STAMBP: variants seen among roughly 807,000 people sequenced by gnomAD.
STAMBP encodes the protein STAM-binding protein.
Under a neutral mutation model 50.7 loss-of-function variants are expected in STAMBP, and 31 were observed. The observed-to-expected ratio is 0.61, with a 90% CI of 0.46 to 0.83. The LOEUF is 0.83. STAMBP is among the 40% of genes least tolerant of loss of function. The probability of loss-of-function intolerance (pLI) is 0.00; values close to 1 mark genes in which losing one functional copy is unlikely to be tolerated. For synonymous variants in STAMBP, 211 were observed against 192.4 expected (o/e 1.10, Z -0.80); for missense variants, 472 against 518.9 (o/e 0.91, Z 0.88).
intron 7 of STAMBP, among the ~76,000 whole-genome samples, chr2:73,856,727 G>T (rs1482369543): frequency 6.6e-6 from 1 of 152,202 alleles, no homozygotes; most frequent in Non-Finnish European, 1.5e-5. Flanking sequence ...TTTGGTTCAA[G>T]AACAGGAGAG....
intron 7 of STAMBP, chr2:73,855,783 A>G (rs1677477697): frequency 7.0e-6 from 3 of 429,608 alleles, no homozygotes; most frequent in South Asian, 3.3e-5. Context: ...GAGGCTGCAC[A>G]TAAGAATCAC....
chr2:73,867,782 A>G (rs1378153542), downstream of STAMBP, among the ~76,000 whole-genome samples: 1 of 152,184 alleles, frequency 6.6e-6, no homozygotes, highest in Non-Finnish European at 1.5e-5. Flanking sequence ...CAAATTAGAA[A>G]AAGAATAATA....
chr2:73,844,773 G>T, intron 2 of STAMBP, 40 bp from the exon 3 acceptor site: 1 of 1,556,552 alleles, frequency 6.4e-7, no homozygotes, highest in South Asian at 1.1e-5. Context: ...ATGGACATTT[G>T]GACCATTTGC....
chr2:73,850,313 T>C lies in STAMBP; in HGVS notation c.868-63T>C, dbSNP rs1389137105. The C allele has an allele frequency of 1.3e-6, 2 of 1,542,916 alleles. No homozygotes were observed. Among genetic ancestry groups the C allele is most frequent in the Non-Finnish European group, 1.8e-6 (2 of 1,142,638 alleles). On this transcript the variant is annotated intron_variant, in intron 6 of 9. Transcript: ENST00000394070. The surrounding 1 kb of genome is among the most constrained non-coding windows in gnomAD (Gnocchi z 4.3). ...GATGCTTACCTTTCCACTGTCGGGA[T>C]GGAGTGGAGCAGGGTTGCATGAGCA...
chr2:73,835,683 G>A (rs990330782), intron 2 of STAMBP, among the ~76,000 whole-genome samples: 4 of 152,134 alleles, frequency 2.6e-5, no homozygotes, highest in South Asian at 2.1e-4. Flanking sequence ...AAGATACTGC[G>A]GAGGTTGATG....
chr2:73,852,713 A>G (rs1676987987), intron 7 of STAMBP, among the ~76,000 whole-genome samples: 1 of 152,028 alleles, frequency 6.6e-6, no homozygotes, highest in African/African-American at 2.4e-5. Context: ...GGAGTCTCAC[A>G]CTGTCGCCCA....
At chr2:73,836,999 A>C (rs191284983) in intron 2 of STAMBP, among the ~76,000 whole-genome samples, 2 of 152,358 alleles carry the variant, frequency 1.3e-5, no homozygotes, top group African/African-American at 2.4e-5. Context: ...CAGGAACCTC[A>C]CAGAGATTCA....
chr2:73,851,126 CAG>C (rs1162273554), intron 7 of STAMBP, among the ~76,000 whole-genome samples: 12 of 152,332 alleles, frequency 7.9e-5, no homozygotes, highest in South Asian at 6.2e-4. Flanking sequence ...TGCTGTATGA[CAG>C]AGTTACAAAT....
rs1232087548 is a variant in STAMBP at position 73,841,468 on chromosome 2, C to T, written c.204-3345C>T. ...TATCTCTTTAAGTGTCACAGCAAGC[C>T]TGTCAGGGAGTACTAGTTTGTCTCC... On this transcript the variant is annotated intron_variant, in intron 2 of 9. Coordinates refer to ENST00000394070, the MANE Select transcript of STAMBP (RefSeq NM_213622.4). 2.0e-5 allele frequency among the ~76,000 whole-genome samples: 3 copies of T among 152,168 alleles called. 1 individual carries two copies. The highest frequency in any genetic ancestry group is 2.0e-4 in the Admixed American group (3 of 15,270).
chr2:73,840,253 T>C (rs1183543509), intron 2 of STAMBP, among the ~76,000 whole-genome samples: 3 of 151,808 alleles, frequency 2.0e-5, no homozygotes, highest in Non-Finnish European at 2.9e-5. Context: ...TACATTGTCT[T>C]CACATTTGAA....
Position 73,859,160 on chromosome 2 carries a change from T to G in STAMBP, c.1006-94T>G, listed in dbSNP as rs76305876. On this transcript the variant is annotated intron_variant, in intron 7 of 9. Coordinates refer to ENST00000394070, the MANE Select transcript of STAMBP (RefSeq NM_213622.4). Reference sequence around the variant, plus strand: ...TAATATTTTCAGATTGCAGTTGATATGGATAGCTTTAAACCTCAGAAAGGG... The same window carrying G: ...TAATATTTTCAGATTGCAGTTGATAGGGATAGCTTTAAACCTCAGAAAGGG... 5,863 of 902,652 alleles carry G rather than the reference T, an allele frequency of 6.5e-3. 31 individuals are homozygous for G. Among genetic ancestry groups the G allele is most frequent in the Non-Finnish European group, 9.1e-3 (4,933 of 544,828 alleles). The allele number at this position is 902,652 out of a possible 1,614,324, so 55.9% of individuals were successfully genotyped here.
At chr2:73,831,734 T>G (rs1266950738) in intron 2 of STAMBP, among the ~76,000 whole-genome samples, 2 of 152,200 alleles carry the variant, frequency 1.3e-5, no homozygotes, top group African/African-American at 4.8e-5. Flanking sequence ...ATATCAGGAC[T>G]TTTTAAAAAA....
intron 2 of STAMBP, among the ~76,000 whole-genome samples, chr2:73,835,985 TC>T (rs931112858): frequency 6.6e-6 from 1 of 152,008 alleles, no homozygotes; most frequent in Non-Finnish European, 1.5e-5. Flanking sequence ...ATTTTCTTTT[TC>T]TTTTTTTTTT....
rs1674420397 is a variant in STAMBP at position 73,834,239 on chromosome 2, ATATAT to A, written c.203+3181_203+3185del. Among the ~76,000 whole-genome samples, 46 of 15,546 alleles carry A rather than the reference ATATAT, an allele frequency of 3.0e-3. 1 individual carries two copies. The highest frequency in any genetic ancestry group is 4.6e-3 in the African/African-American group (12 of 2,590). The allele number at this position is 15,546 out of a possible 152,430, so 10.2% of individuals were successfully genotyped here. ...AAAAAAAAAAAAAAAAAAAAAAAAT[ATATAT>A]ATATATATATATATATATATATATA... On this transcript the variant is annotated intron_variant, in intron 2 of 9. Coordinates refer to ENST00000394070, the MANE Select transcript of STAMBP (RefSeq NM_213622.4).
At chr2:73,872,242 TGA>T (rs995184847) in intron 10 of STAMBP, among the ~76,000 whole-genome samples, 12 of 152,148 alleles carry the variant, frequency 7.9e-5, no homozygotes, top group African/African-American at 2.9e-4. Flanking sequence ...CCACATGCAC[TGA>T]GAGTGGGGCA....
chr2:73,841,224 G>A (rs986935214), intron 2 of STAMBP, among the ~76,000 whole-genome samples: 5 of 151,930 alleles, frequency 3.3e-5, no homozygotes, highest in Admixed American at 1.3e-4. Flanking sequence ...CTGGGCCACC[G>A]CTTTCTATCC....
downstream of STAMBP, chr2:73,870,093 A>G (rs753780606): frequency 2.6e-5 from 4 of 152,254 alleles, no homozygotes; most frequent in Admixed American, 2.0e-4. Context: ...TACAAAGAAC[A>G]TGTATTGCTT....
At chr2:73,841,409 G>A (rs887925893) in intron 2 of STAMBP, among the ~76,000 whole-genome samples, 8 of 151,950 alleles carry the variant, frequency 5.3e-5, no homozygotes, top group African/African-American at 1.9e-4. Context: ...AGCAAATATT[G>A]ACTATGTTCT....
chr2:73,854,927 T>TGCAGTGAGCCGTGATC (rs1169739211), intron 7 of STAMBP, among the ~76,000 whole-genome samples: 2 of 152,102 alleles, frequency 1.3e-5, no homozygotes, highest in East Asian at 3.9e-4. Flanking sequence ...AGGTCAAAGC[T>TGCAGTGAGCCGTGATC]GCAGTGAGCC....
Sources: gnomAD v4.1 joint callset for allele counts (sites outside exome capture counted in the v4.1 genomes callset) on GRCh38, gnomAD v4.1.1 for gene constraint, Gnocchi (gnomAD v3.1) non-coding constraint, MANE v1.5 for transcripts, NCBI Gene and HGNC (gene_info 2026-07-23, HGNC 2026-07-21) for gene names.